RAPGEF2: variants seen among roughly 807,000 people sequenced by gnomAD.
The protein encoded by RAPGEF2 is Rap guanine nucleotide exchange factor 2.
Under a neutral mutation model 186.7 loss-of-function variants are expected in RAPGEF2, and 54 were observed. That is an observed-to-expected ratio of 0.29 (90% confidence interval 0.23 to 0.36). The LOEUF (loss-of-function observed/expected upper bound fraction) is 0.36. RAPGEF2 is among the 10% of genes least tolerant of loss of function. The probability of loss-of-function intolerance (pLI) is 1.00; values close to 1 mark genes in which losing one functional copy is unlikely to be tolerated. For synonymous variants in RAPGEF2, 712 were observed against 705.9 expected (o/e 1.01, Z -0.14); for missense variants, 1,532 against 2,045.0 (o/e 0.75, Z 4.84).
At chr4:159,251,950 C>G (rs1256526448) in intron 7 of RAPGEF2, among the ~76,000 whole-genome samples, 1 of 152,022 alleles carries the variant, frequency 6.6e-6, no homozygotes, top group Non-Finnish European at 1.5e-5. Context: ...TAACACTCAC[C>G]GCGGAGGTCT....
At chr4:159,237,213 G>T (rs541816503) in intron 4 of RAPGEF2, among the ~76,000 whole-genome samples, 90 of 152,180 alleles carry the variant, frequency 5.9e-4, no homozygotes, top group African/African-American at 2.0e-3. Flanking sequence ...TAGAGACGGG[G>T]TTTCACCATG....
chr4:159,162,844 T>C (rs1744860602), intron 1 of RAPGEF2, among the ~76,000 whole-genome samples: 1 of 152,214 alleles, frequency 6.6e-6, no homozygotes. Context: ...CAAGGTATAT[T>C]AAAGTACACA....
intron 7 of RAPGEF2, among the ~76,000 whole-genome samples, chr4:159,257,498 C>T (rs1344195522): frequency 6.6e-6 from 1 of 152,180 alleles, no homozygotes; most frequent in Non-Finnish European, 1.5e-5. Context: ...CCAAGTCCCT[C>T]TCACAACACT....
chr4:159,168,394 A>G (rs553448415), intron 1 of RAPGEF2, among the ~76,000 whole-genome samples: 1 of 152,168 alleles, frequency 6.6e-6, no homozygotes, highest in South Asian at 2.1e-4. Flanking sequence ...ACAGTGAATG[A>G]CCAGTGAACA....
chr4:159,139,340 A>T (rs991727575), intron 1 of RAPGEF2, among the ~76,000 whole-genome samples: 2 of 152,246 alleles, frequency 1.3e-5, no homozygotes, highest in African/African-American at 4.8e-5. Context: ...AAGTGTTTCC[A>T]TTAAAAGGAT....
At chr4:159,198,738 G>A (rs529101666) in intron 3 of RAPGEF2, among the ~76,000 whole-genome samples, 3 of 152,032 alleles carry the variant, frequency 2.0e-5, no homozygotes, top group Admixed American at 6.5e-5. Context: ...GAGCCACTGC[G>A]CCTGGCCTCT....
At position 159,341,178 on chromosome 4, in the gene RAPGEF2, T is replaced by G. The variant is rs1435468045; in HGVS notation, c.2535-386T>G. 2.6e-5 allele frequency among the ~76,000 whole-genome samples: 4 copies of G among 152,252 alleles called. 1 individual carries two copies. The South Asian group carries it at 6.2e-4, about 24-fold the overall frequency. ...AATAAGAAAATAAGGAAAATAAGAG[T>G]GATGACGTACTTGGGTCTAATCTTT... On this transcript the variant is annotated intron_variant, in intron 19 of 29. Transcript: ENST00000691494.
At chr4:159,302,345 T>TTA (rs1554031544) in intron 7 of RAPGEF2, among the ~76,000 whole-genome samples, 1 of 151,938 alleles carries the variant, frequency 6.6e-6, no homozygotes, top group Admixed American at 6.6e-5. Flanking sequence ...TTAATTTTTT[T>TTA]AAAAAATCAC....
At chr4:159,274,747 G>T (rs1758610698) in intron 7 of RAPGEF2, among the ~76,000 whole-genome samples, 1 of 152,102 alleles carries the variant, frequency 6.6e-6, no homozygotes, top group Non-Finnish European at 1.5e-5. Flanking sequence ...AACAGTGTCT[G>T]ATTTTTGGAA....
At chr4:159,271,205 G>T (rs1337443476) in intron 7 of RAPGEF2, among the ~76,000 whole-genome samples, 1 of 151,984 alleles carries the variant, frequency 6.6e-6, no homozygotes, top group African/African-American at 2.4e-5. Context: ...AGATGCCTTT[G>T]AAAATTTCCC....
At chr4:159,173,125 C>A (rs1746087560) in intron 1 of RAPGEF2, among the ~76,000 whole-genome samples, 1 of 152,098 alleles carries the variant, frequency 6.6e-6, no homozygotes, top group East Asian at 1.9e-4. Flanking sequence ...ATAAGTAGTA[C>A]TATTGGTGGT....
At chr4:159,152,611 CT>C (rs953444605) in intron 1 of RAPGEF2, among the ~76,000 whole-genome samples, 3 of 151,744 alleles carry the variant, frequency 2.0e-5, no homozygotes, top group Non-Finnish European at 2.9e-5. Flanking sequence ...CTGTTAAAAA[CT>C]TTTTTTTGTT....
intron 1 of RAPGEF2, among the ~76,000 whole-genome samples, chr4:159,155,708 T>C (rs761074103): frequency 2.0e-5 from 3 of 152,190 alleles, no homozygotes; most frequent in Non-Finnish European, 4.4e-5. Context: ...AGCACTTTTG[T>C]CTATTGGCAG....
Position 159,330,024 on chromosome 4 carries a change from C to T in RAPGEF2, c.1302+14C>T, listed in dbSNP as rs779445180. ...ATTGTCATCAAGGTAGGACACAGGA[C>T]CACTCCTTCCCAAGGAAAGGAATTT... On this transcript the variant is annotated intron_variant, in intron 12 of 29. Transcript: ENST00000691494. 6.3e-7 allele frequency: 1 copy of T among 1,582,112 alleles called. No homozygotes were observed. The highest frequency in any genetic ancestry group is 1.2e-5 in the South Asian group (1 of 86,506).
rs554699353 is a variant in RAPGEF2 at position 159,235,205 on chromosome 4, A to G, written c.282-3604A>G. 2.6e-4 allele frequency among the ~76,000 whole-genome samples: 39 copies of G among 152,322 alleles called. 1 individual carries two copies. Among genetic ancestry groups the G allele is most frequent in the African/African-American group, 9.4e-4 (39 of 41,572 alleles). ...TACCCTTTTATAGATTTGATTTTCT[A>G]TAAGGGCATGCATTGTAATTATTGT... On this transcript the variant is annotated intron_variant, in intron 4 of 29. Coordinates refer to ENST00000691494, the MANE Select transcript of RAPGEF2 (RefSeq NM_001394067.2).
In RAPGEF2 at chr4:159,331,714, C is replaced by G. The variant is rs771919423; in HGVS notation, c.1660C>G (p.Arg554Gly). 1.1e-5 allele frequency: 17 copies of G among 1,613,922 alleles called. No homozygotes were observed. Among genetic ancestry groups the G allele is most frequent in the African/African-American group, 1.3e-5 (1 of 74,856 alleles). ...ATTGATGACGTTAACAAAACCATCC[C>G]GAGAAGCTCCTTTGCCTTTTATCTT... Reference protein sequence around the residue: ...RRLMTLTKPSREAPLPFILLG... With the variant: ...RRLMTLTKPSGEAPLPFILLG... The change falls in exon 15 of 30, where the codon CGA becomes GGA. Residue 554 changes from arginine (R) to glycine (G), a missense_variant. This residue lies in a region of RAPGEF2 where 810 missense variants were observed against 1,210.5 expected (regional missense o/e 0.67). Coordinates refer to ENST00000691494, the MANE Select transcript of RAPGEF2 (RefSeq NM_001394067.2).
chr4:159,255,652 C>T (rs1454207222), intron 7 of RAPGEF2, among the ~76,000 whole-genome samples: 4 of 152,112 alleles, frequency 2.6e-5, no homozygotes, highest in East Asian at 3.8e-4. Context: ...GAATATTCTA[C>T]GTGATAAGGG....
At chr4:159,259,990 T>A (rs1756619392) in intron 7 of RAPGEF2, among the ~76,000 whole-genome samples, 1 of 152,010 alleles carries the variant, frequency 6.6e-6, no homozygotes. Flanking sequence ...TTTTTATTAT[T>A]ATTTATTTAT....
chr4:159,284,968 A>G (rs527967118), intron 7 of RAPGEF2, among the ~76,000 whole-genome samples: 2 of 152,260 alleles, frequency 1.3e-5, no homozygotes, highest in East Asian at 3.9e-4. Flanking sequence ...TAGGAGGATC[A>G]CTTGAGCCCA....
Sources: gnomAD v4.1 joint callset for allele counts (sites outside exome capture counted in the v4.1 genomes callset) on GRCh38, gnomAD v4.1.1 for gene constraint, gnomAD v4.1.1 regional missense constraint, MANE v1.5 for transcripts, NCBI Gene and HGNC (gene_info 2026-07-23, HGNC 2026-07-21) for gene names.